KAT6B: variants seen among roughly 807,000 people sequenced by gnomAD.
KAT6B encodes the protein histone acetyltransferase KAT6B.
KAT6B carries 10 observed loss-of-function variants against 187.5 expected under a neutral mutation model. The observed-to-expected ratio is 0.05, with a 90% CI of 0.03 to 0.09. The LOEUF is 0.09. Ranked by LOEUF, KAT6B falls within the 10% of genes least tolerant of loss-of-function variation. KAT6B has a pLI of 1.00. For missense variants in KAT6B, 1,952 were observed against 2,558.9 expected, an observed-to-expected ratio of 0.76 and a Z score of 5.12; for synonymous variants, 861 against 926.8, an observed-to-expected ratio of 0.93 and a Z score of 1.29.
At chr10:74,977,689 A>G (rs1019583782) in intron 9 of KAT6B, among the ~76,000 whole-genome samples, 3 of 152,204 alleles carry the variant, frequency 2.0e-5, no homozygotes, top group Admixed American at 6.5e-5. Context: ...GTTGAGGCAG[A>G]TTTTGGAAAA....
chr10:74,985,452 C>T (rs544949692), intron 12 of KAT6B, among the ~76,000 whole-genome samples: 1 of 152,304 alleles, frequency 6.6e-6, no homozygotes, highest in Admixed American at 6.5e-5. Context: ...GCACTGTGTG[C>T]CGCCTTGATG....
intron 3 of KAT6B, among the ~76,000 whole-genome samples, chr10:74,861,002 TG>T (rs1251694229): frequency 1.3e-5 from 2 of 152,164 alleles, no homozygotes; most frequent in Non-Finnish European, 2.9e-5. Flanking sequence ...CCGGGCGTGG[TG>T]GCACATGCCT....
chr10:74,934,741 A>G (rs1849121600), intron 3 of KAT6B, among the ~76,000 whole-genome samples: 2 of 152,090 alleles, frequency 1.3e-5, no homozygotes, highest in African/African-American at 4.8e-5. Context: ...TTCTGTTCCA[A>G]GTAACTCTTG....
intron 3 of KAT6B, among the ~76,000 whole-genome samples, chr10:74,912,096 A>G (rs1424745661): frequency 6.6e-6 from 1 of 152,200 alleles, no homozygotes; most frequent in African/African-American, 2.4e-5. Context: ...GTGAGTTATC[A>G]CAGCCAGGTG....
chr10:74,830,762 ATATATATTTTTTTTTTTTTTTTTTTT>A (rs1426502371), intron 1 of KAT6B, among the ~76,000 whole-genome samples: 3 of 27,188 alleles, frequency 1.1e-4, no homozygotes, highest in East Asian at 2.1e-3. Context: ...ATATATATAT[ATATATATTTTTTTTTTTTTTTTTTTT>A]TTTTTTTTTT....
intron 6 of KAT6B, among the ~76,000 whole-genome samples, chr10:74,970,357 A>G (rs914991841): frequency 1.3e-5 from 2 of 152,000 alleles, no homozygotes; most frequent in South Asian, 2.1e-4. Flanking sequence ...TGAAAAGACC[A>G]TCTCTCTCTC....
At chr10:74,849,671 T>C (rs547134090) in intron 3 of KAT6B, among the ~76,000 whole-genome samples, 5 of 152,350 alleles carry the variant, frequency 3.3e-5, no homozygotes, top group Admixed American at 2.6e-4. Context: ...AAAATAAAAA[T>C]AGTAAGAATA....
chr10:74,926,741 A>G (rs1848530247), intron 3 of KAT6B, among the ~76,000 whole-genome samples: 2 of 152,206 alleles, frequency 1.3e-5, no homozygotes, highest in Admixed American at 1.3e-4. Context: ...CTAGAGTTTG[A>G]TCTACCACTT....
intron 3 of KAT6B, among the ~76,000 whole-genome samples, chr10:74,939,431 GTC>G (rs926781553): frequency 7.9e-4 from 120 of 151,906 alleles, no homozygotes; most frequent in African/African-American, 2.7e-3. Context: ...TTGAGATGGA[GTC>G]TCTGTTGCCC....
At chr10:74,873,321 C>G (rs1014715966) in intron 3 of KAT6B, among the ~76,000 whole-genome samples, 7 of 147,274 alleles carry the variant, frequency 4.8e-5, no homozygotes, top group Non-Finnish European at 1.0e-4. Flanking sequence ...AAAAAAAAGC[C>G]AGATGTGATG....
chr10:75,022,887 G>A (rs149828463), intron 16 of KAT6B, among the ~76,000 whole-genome samples: 18 of 152,328 alleles, frequency 1.2e-4, no homozygotes, highest in South Asian at 2.1e-4. Flanking sequence ...TCGCACCATT[G>A]CACTCCAGCC....
chr10:74,832,367 G>T (rs1840924024), intron 1 of KAT6B, among the ~76,000 whole-genome samples: 1 of 152,160 alleles, frequency 6.6e-6, no homozygotes, highest in Admixed American at 6.5e-5. Flanking sequence ...GCTCATGCCT[G>T]TAATCCCACT....
intron 13 of KAT6B, among the ~76,000 whole-genome samples, chr10:75,008,099 G>T (rs545418272): frequency 6.6e-6 from 1 of 152,266 alleles, no homozygotes; most frequent in South Asian, 2.1e-4. Context: ...ATAATTGAAG[G>T]GTTGTGCGTT....
intron 3 of KAT6B, among the ~76,000 whole-genome samples, chr10:74,875,803 T>C (rs1005220316): frequency 6.6e-6 from 1 of 152,202 alleles, no homozygotes; most frequent in Non-Finnish European, 1.5e-5. Flanking sequence ...TTGCTGTTTC[T>C]TGATCACATA....
chr10:74,930,297 T>C (rs1240805525), intron 3 of KAT6B, among the ~76,000 whole-genome samples: 1 of 152,216 alleles, frequency 6.6e-6, no homozygotes, highest in Non-Finnish European at 1.5e-5. Context: ...GTACCAGATA[T>C]ATTTATTTTG....
At chr10:74,826,417 T>A (rs1245659597), upstream of KAT6B, among the ~76,000 whole-genome samples, 3 of 151,412 alleles carry the variant, frequency 2.0e-5, no homozygotes, top group East Asian at 3.9e-4. Flanking sequence ...AGGGGTGTGT[T>A]TATGTGGAAG....
rs1846368098 is a variant in KAT6B, at chr10:75,032,300, T to G, written c.*1254T>G. The G allele has an allele frequency of 5.2e-6, 1 of 193,112 alleles. No homozygotes were observed. Among genetic ancestry groups the G allele is most frequent in the Non-Finnish European group, 1.1e-5 (1 of 92,286 alleles). The allele number at this position is 193,112 out of a possible 1,614,324, so 12.0% of individuals were successfully genotyped here. A position where few individuals can be genotyped will look rare whatever the true frequency, so the allele number is the denominator to read the frequency against. On this transcript the variant is annotated 3_prime_UTR_variant, in exon 18 of 18. Transcript: ENST00000287239. ...TTATGATGAGCCATTTTTAGCCTCT[T>G]GTGTCCTGTCATATTATGATTGATA... is the stretch of plus-strand genomic sequence containing the variant.
At chr10:74,854,115 T>A (rs2132209117) in intron 3 of KAT6B, among the ~76,000 whole-genome samples, 1 of 152,336 alleles carries the variant, frequency 6.6e-6, no homozygotes, top group Non-Finnish European at 1.5e-5. Context: ...ATCTCTCCAA[T>A]CTATTAATGT....
At chr10:74,888,871 C>T (rs958295865) in intron 3 of KAT6B, among the ~76,000 whole-genome samples, 1 of 152,040 alleles carries the variant, frequency 6.6e-6, no homozygotes, top group East Asian at 1.9e-4. Flanking sequence ...ATGTGGGAGG[C>T]TCTCTCAGAT....
Sources: gnomAD v4.1 joint callset for allele counts (sites outside exome capture counted in the v4.1 genomes callset) on GRCh38, gnomAD v4.1.1 for gene constraint, MANE v1.5 for transcripts, NCBI Gene and HGNC (gene_info 2026-07-23, HGNC 2026-07-21) for gene names.